Variants in VAV2 observed in about 807,000 individuals in gnomAD.
VAV2 encodes the protein vav guanine nucleotide exchange factor 2.
Under a neutral mutation model 132.5 loss-of-function variants are expected in VAV2, and 67 were observed. The ratio of observed to expected loss-of-function variants is 0.51; its 90% CI spans 0.42 to 0.62. The LOEUF (loss-of-function observed/expected upper bound fraction) is 0.62, where lower values mean the gene tolerates loss of function less well. VAV2 is among the 20% of genes least tolerant of loss of function. The pLI, the probability that VAV2 is intolerant of heterozygous loss-of-function variation, is 0.00. For missense variants in VAV2, 938 were observed against 1,153.6 expected (o/e 0.81, Z 2.71); for synonymous variants, 492 against 443.5 (o/e 1.11, Z -1.37).
At chr9:133,878,192 G>C (rs1305066970) in intron 2 of VAV2, among the ~76,000 whole-genome samples, 1 of 152,248 alleles carries the variant, frequency 6.6e-6, no homozygotes, top group African/African-American at 2.4e-5. Flanking sequence ...CCACGGGGCA[G>C]GCACCTCTGC....
At chr9:133,917,193 C>A (rs1840123375) in intron 2 of VAV2, among the ~76,000 whole-genome samples, 1 of 152,140 alleles carries the variant, frequency 6.6e-6, no homozygotes, top group Admixed American at 6.5e-5. Context: ...CCTGAGGGGC[C>A]CTATCCCCGT....
chr9:133,797,160 G>A lies in VAV2; in HGVS notation c.936+550C>T, dbSNP rs536553249. Among the ~76,000 whole-genome samples, 10 of 152,318 alleles carry A rather than the reference G, an allele frequency of 6.6e-5. No individual in the cohort carries two copies. In the South Asian group the frequency reaches 2.1e-3, roughly 32 times the overall value. On this transcript the variant is annotated intron_variant, in intron 10 of 29. Coordinates refer to ENST00000371850, the MANE Select transcript of VAV2 (RefSeq NM_001134398.2). Reference sequence around the variant, plus strand: ...AGCTGGGAACAGGAGGGGCTGGGAGGGGCTCACGTGAGAAACACTAGATGT... The same window carrying A: ...AGCTGGGAACAGGAGGGGCTGGGAGAGGCTCACGTGAGAAACACTAGATGT...
chr9:133,766,915 T>C (rs1383191731), intron 29 of VAV2, among the ~76,000 whole-genome samples: 3 of 149,538 alleles, frequency 2.0e-5, no homozygotes, highest in Non-Finnish European at 4.4e-5. Flanking sequence ...AGGTCCTTCC[T>C]TGCATTGTCT....
At chr9:133,942,584 G>A (rs1280515035) in intron 1 of VAV2, among the ~76,000 whole-genome samples, 1 of 152,262 alleles carries the variant, frequency 6.6e-6, no homozygotes, top group Non-Finnish European at 1.5e-5. Context: ...TGGCTTGTCT[G>A]TAATTTCCAC....
At chr9:133,948,778 C>A (rs1841456990) in intron 1 of VAV2, among the ~76,000 whole-genome samples, 1 of 152,226 alleles carries the variant, frequency 6.6e-6, no homozygotes, top group African/African-American at 2.4e-5. Flanking sequence ...AGCACGAAGC[C>A]CTTGACGTTC....
chr9:133,950,872 G>C (rs1004612199), intron 1 of VAV2, among the ~76,000 whole-genome samples: 3 of 151,990 alleles, frequency 2.0e-5, no homozygotes, highest in Admixed American at 1.3e-4. Context: ...GAGGGCATTC[G>C]CACGCTCTCT....
intron 1 of VAV2, among the ~76,000 whole-genome samples, chr9:133,980,241 C>A (rs1485243224): frequency 6.6e-6 from 1 of 152,208 alleles, no homozygotes; most frequent in Non-Finnish European, 1.5e-5. Context: ...GCTCCAGAGG[C>A]AAGAGACCTG....
chr9:133,929,507 T>C (rs1840600745), intron 2 of VAV2, among the ~76,000 whole-genome samples: 1 of 151,984 alleles, frequency 6.6e-6, no homozygotes, highest in Non-Finnish European at 1.5e-5. Flanking sequence ...GCCAGGAGGT[T>C]CCACGGGGGT....
In VAV2 at chr9:133,866,105, C is replaced by T. The variant is rs12005860; in HGVS notation, c.322-4673G>A. On this transcript the variant is annotated intron_variant, in intron 2 of 29. Coordinates refer to ENST00000371850, the MANE Select transcript of VAV2 (RefSeq NM_001134398.2). ...CTCCCTCACCTCCACCATGATGCAA[C>T]CCCCGCTGTTAGGGCCCAAGCCCTA... is the stretch of plus-strand genomic sequence containing the variant. Among the ~76,000 whole-genome samples the T allele has an allele frequency of 7.8e-3, 1,192 of 152,312 alleles. 8 individuals are homozygous for T. The highest frequency in any genetic ancestry group is 0.027 in the African/African-American group (1,123 of 41,568).
intron 2 of VAV2, among the ~76,000 whole-genome samples, chr9:133,923,295 A>AG (rs1253179616): frequency 1.3e-5 from 2 of 152,228 alleles, no homozygotes; most frequent in African/African-American, 4.8e-5. Flanking sequence ...TCAAAAAATT[A>AG]GACATAGAAC....
At chr9:133,977,044 C>T (rs113594887) in intron 1 of VAV2, among the ~76,000 whole-genome samples, 52 of 152,330 alleles carry the variant, frequency 3.4e-4, no homozygotes, top group African/African-American at 1.1e-3. Context: ...GGAGCGACCA[C>T]GCAGCGAGGC....
chr9:133,896,059 C>T (rs1839188866), intron 2 of VAV2, among the ~76,000 whole-genome samples: 1 of 85,906 alleles, frequency 1.2e-5, no homozygotes, highest in African/African-American at 5.3e-5. Context: ...TCTGGTTTTC[C>T]TAGGCAGAGG....
In VAV2 at chr9:133,774,206, C is replaced by T. The variant is rs142318500; in HGVS notation, c.2135+729G>A. ...AATGGTGGCCTGGCTGCCTGGTCCT[C>T]TGTGAGGCCTTCATACAGCACCCAT... On this transcript the variant is annotated intron_variant, in intron 25 of 29. Transcript: ENST00000371850. Among the ~76,000 whole-genome samples the T allele has an allele frequency of 1.3e-5, 2 of 152,320 alleles. 1 individual carries two copies. Among genetic ancestry groups the T allele is most frequent in the African/African-American group, 4.8e-5 (2 of 41,566 alleles).
In VAV2 at chr9:133,796,434, A is replaced by G. The variant is rs370507412; in HGVS notation, c.1027T>C (p.Leu343=). 1.7e-5 allele frequency: 28 copies of G among 1,613,220 alleles called. No homozygotes were observed. In the African/African-American group the frequency reaches 2.9e-4, roughly 17 times the overall value. Residue 343 remains leucine, a synonymous_variant, in exon 11 of 30, where the codon TTG becomes CTG. Coordinates refer to ENST00000371850, the MANE Select transcript of VAV2 (RefSeq NM_001134398.2). The part of the protein sequence containing the change: ...MQRVLKYHLL[L]KELLSHSAER... ...CCCGGGGCCCAGAGCCTCACCTTCAAGAGCAGGTGGTATTTGAGCACCCTC... is the reference window on the plus strand; with the variant it reads ...CCCGGGGCCCAGAGCCTCACCTTCAGGAGCAGGTGGTATTTGAGCACCCTC...
rs1410223095 is a variant in VAV2, at chr9:133,820,323, C to CTTTTTTTT, written c.450-8108_450-8107insAAAAAAAA. 2.0e-5 allele frequency among the ~76,000 whole-genome samples: 3 copies of CTTTTTTTT among 149,084 alleles called. 1 individual carries two copies. The highest frequency in any genetic ancestry group is 3.0e-5 in the Non-Finnish European group (2 of 67,468). ...CATCTCCATAAACAAGTTTCTTTTT[C>CTTTTTTTT]TTTTTCTTTTTTTTTTTTTTGAGAC... On this transcript the variant is annotated intron_variant, in intron 4 of 29. Coordinates refer to ENST00000371850, the MANE Select transcript of VAV2 (RefSeq NM_001134398.2).
chr9:133,770,292 G>A, intron 27 of VAV2, 86 bp downstream of exon 27: 2 of 1,585,470 alleles, frequency 1.3e-6, no homozygotes, highest in Non-Finnish European at 8.6e-7. Flanking sequence ...GTCTGGGTCT[G>A]TGAGGGCAGG....
intron 2 of VAV2, among the ~76,000 whole-genome samples, chr9:133,904,571 CCAGGCACGTGGGCACAGGCATG>C (rs1196824669): frequency 1.3e-5 from 2 of 152,250 alleles, no homozygotes; most frequent in Non-Finnish European, 2.9e-5. Flanking sequence ...AACGTGGGCA[CCAGGCACGTGGGCACAGGCATG>C]CAGGCATGCA....
intron 20 of VAV2, 59 bp downstream of exon 20, chr9:133,780,635 C>G (rs56374314): frequency 0.017 from 19,575 of 1,184,308 alleles, 202 homozygotes; most frequent in African/African-American, 0.044. Context: ...TCTGGCTCTG[C>G]GCACACAGGG....
At chr9:133,933,824 G>GTGGA (rs1176880595) in intron 2 of VAV2, among the ~76,000 whole-genome samples, 9 of 143,262 alleles carry the variant, frequency 6.3e-5, no homozygotes, top group African/African-American at 2.1e-4. Context: ...GAATGGATGA[G>GTGGA]TGGATGGATG....
Sources: gnomAD v4.1 joint callset for allele counts (sites outside exome capture counted in the v4.1 genomes callset) on GRCh38, gnomAD v4.1.1 for gene constraint, MANE v1.5 for transcripts, NCBI Gene and HGNC (gene_info 2026-07-23, HGNC 2026-07-21) for gene names.